The following NXPH2 variants were observed in gnomAD, a reference collection of about 807,000 sequenced individuals.
NXPH2 encodes the protein neurexophilin-2.
In NXPH2, 5 loss-of-function variants were observed where a neutral mutation model predicts 19.8. That is an observed-to-expected ratio of 0.25 (90% CI 0.13 to 0.53). NXPH2 has a LOEUF of 0.53. Ranked by LOEUF, NXPH2 falls within the 20% of genes least tolerant of loss-of-function variation. The probability of loss-of-function intolerance (pLI) is 0.96; values close to 1 mark genes in which losing one functional copy is unlikely to be tolerated. For synonymous variants in NXPH2, 154 were observed against 127.4 expected (o/e 1.21, Z -1.41); for missense variants, 289 against 322.8 (o/e 0.90, Z 0.80).
chr2:138,714,312 T>C (rs1681156649), intron 1 of NXPH2, among the ~76,000 whole-genome samples: 1 of 152,182 alleles, frequency 6.6e-6, no homozygotes, highest in South Asian at 2.1e-4. Context: ...ATTTAAAAAA[T>C]AGTTATTTGT....
At chr2:138,775,427 G>A (rs1196930445) in intron 1 of NXPH2, among the ~76,000 whole-genome samples, 3 of 151,792 alleles carry the variant, frequency 2.0e-5, no homozygotes, top group Admixed American at 2.0e-4. Flanking sequence ...TTATTTAGCA[G>A]GATTTTGAAA....
At chr2:138,709,896 T>G (rs947273137) in intron 1 of NXPH2, among the ~76,000 whole-genome samples, 4 of 152,224 alleles carry the variant, frequency 2.6e-5, no homozygotes, top group African/African-American at 9.7e-5. Flanking sequence ...TTACCACAAT[T>G]TATTTATCCA....
chr2:138,718,092 G>A (rs913575120), intron 1 of NXPH2, among the ~76,000 whole-genome samples: 1 of 151,946 alleles, frequency 6.6e-6, no homozygotes, highest in Admixed American at 6.6e-5. Context: ...TCTAAGAGAT[G>A]AGAACAGATA....
At chr2:138,741,286 T>C (rs921283600) in intron 1 of NXPH2, among the ~76,000 whole-genome samples, 1 of 152,176 alleles carries the variant, frequency 6.6e-6, no homozygotes, top group Non-Finnish European at 1.5e-5. Context: ...AAGCGACTGC[T>C]GGCAGAGCTG....
chr2:138,676,393 C>T (rs765387864), intron 1 of NXPH2, among the ~76,000 whole-genome samples: 1 of 152,108 alleles, frequency 6.6e-6, no homozygotes, highest in Non-Finnish European at 1.5e-5. Flanking sequence ...GGTTATATGA[C>T]CTAAGTCCCC....
chr2:138,674,109 C>T (rs539987244), intron 1 of NXPH2, among the ~76,000 whole-genome samples: 29 of 151,930 alleles, frequency 1.9e-4, no homozygotes, highest in African/African-American at 2.9e-4. Context: ...TCCAGAATAG[C>T]TAGGAATACA....
chr2:138,722,248 G>A (rs1042907848), intron 1 of NXPH2, among the ~76,000 whole-genome samples: 9 of 152,220 alleles, frequency 5.9e-5, no homozygotes, highest in African/African-American at 1.4e-4. Flanking sequence ...AAAGGAATCC[G>A]TGAGAAGGTC....
intron 1 of NXPH2, among the ~76,000 whole-genome samples, chr2:138,682,870 C>T (rs1234192961): frequency 6.6e-6 from 1 of 152,192 alleles, no homozygotes; most frequent in African/African-American, 2.4e-5. Context: ...TACACACACA[C>T]ATGCATGCAC....
At position 138,780,064 on chromosome 2, in the gene NXPH2, C is replaced by T. The variant is rs1682326914; in HGVS notation, c.51+127G>A. 6 of 905,084 alleles carry T rather than the reference C, an allele frequency of 6.6e-6. No homozygotes were observed. The African/African-American group carries it at 7.1e-5, about 11-fold the overall frequency. The allele number at this position is 905,084 out of a possible 1,614,324, so 56.1% of individuals were successfully genotyped here. On this transcript the variant is annotated intron_variant, in intron 1 of 1. Transcript: ENST00000272641. The stretch of plus-strand genomic sequence containing the variant: ...CTCTAAGGCAACCCAAAACTCCTTG[C>T]CCTCCGCGCGCCCCCAACCCCACTT...
chr2:138,734,947 T>C (rs970857998), intron 1 of NXPH2, among the ~76,000 whole-genome samples: 3 of 152,150 alleles, frequency 2.0e-5, no homozygotes, highest in Non-Finnish European at 4.4e-5. Context: ...GGGCCAGGGA[T>C]GTAGATTTAG....
intron 1 of NXPH2, among the ~76,000 whole-genome samples, chr2:138,734,532 T>C (rs1019987505): frequency 2.0e-5 from 3 of 152,182 alleles, no homozygotes; most frequent in Non-Finnish European, 2.9e-5. Flanking sequence ...AAGGGAGTAC[T>C]TGAGCTGAAT....
intron 1 of NXPH2, among the ~76,000 whole-genome samples, chr2:138,731,455 T>C (rs575343671): frequency 2.3e-3 from 349 of 152,194 alleles, no homozygotes; most frequent in African/African-American, 7.1e-3. Flanking sequence ...GAGAAGAACA[T>C]AGTGGCAACT....
At chr2:138,723,243 A>C (rs1357583576) in intron 1 of NXPH2, among the ~76,000 whole-genome samples, 2 of 152,198 alleles carry the variant, frequency 1.3e-5, no homozygotes, top group African/African-American at 4.8e-5. Flanking sequence ...ACTTTAATGA[A>C]GCCTTGAAAA....
chr2:138,708,470 G>T (rs1428336809), intron 1 of NXPH2, among the ~76,000 whole-genome samples: 2 of 152,188 alleles, frequency 1.3e-5, no homozygotes, highest in East Asian at 3.8e-4. Flanking sequence ...GATTTAATAT[G>T]CAAATTAATG....
intron 1 of NXPH2, among the ~76,000 whole-genome samples, chr2:138,697,313 G>C (rs565234065): frequency 6.6e-6 from 1 of 152,032 alleles, no homozygotes; most frequent in East Asian, 1.9e-4. Context: ...AACCAAGACT[G>C]TTTATTATAC....
At chr2:138,679,231 G>C (rs1430520229) in intron 1 of NXPH2, among the ~76,000 whole-genome samples, 1 of 152,146 alleles carries the variant, frequency 6.6e-6, no homozygotes, top group East Asian at 1.9e-4. Flanking sequence ...GCCTTTATCA[G>C]AACAGTCCTA....
intron 1 of NXPH2, among the ~76,000 whole-genome samples, chr2:138,727,221 A>G (rs749034966): frequency 6.6e-6 from 1 of 152,188 alleles, no homozygotes; most frequent in Non-Finnish European, 1.5e-5. Context: ...TTGGGCAATT[A>G]TAGATAAAGC....
intron 1 of NXPH2, among the ~76,000 whole-genome samples, chr2:138,756,736 C>T (rs1681916157): frequency 6.6e-6 from 1 of 152,092 alleles, no homozygotes; most frequent in Non-Finnish European, 1.5e-5. Context: ...TCGCTCATGG[C>T]CTCAAACTCT....
At chr2:138,726,738 AGT>A (rs1424093445) in intron 1 of NXPH2, among the ~76,000 whole-genome samples, 3 of 152,172 alleles carry the variant, frequency 2.0e-5, no homozygotes. Flanking sequence ...CCTGCACCTC[AGT>A]GGTACATTTG....
Sources: allele counts gnomAD v4.1 joint callset (sites outside exome capture counted in the v4.1 genomes callset), GRCh38; gene constraint gnomAD v4.1.1; transcripts MANE v1.5; gene names NCBI Gene and HGNC (gene_info 2026-07-23, HGNC 2026-07-21).